The following DCC variants were observed in gnomAD, a reference collection of about 807,000 sequenced individuals.
DCC encodes netrin receptor DCC.
Under a neutral mutation model 172.5 loss-of-function variants are expected in DCC, and 58 were observed. The observed-to-expected ratio is 0.34, with a 90% CI of 0.27 to 0.42. The LOEUF (loss-of-function observed/expected upper bound fraction) is 0.42. Ranked by LOEUF, DCC falls within the 10% of genes least tolerant of loss-of-function variation. DCC has a pLI of 1.00. For missense variants in DCC, 1,740 were observed against 1,791.0 expected, an observed-to-expected ratio of 0.97 and a Z score of 0.51; for synonymous variants, 709 against 644.5, an observed-to-expected ratio of 1.10 and a Z score of -1.52.
chr18:53,508,581 T>C (rs924536103), intron 27 of DCC, among the ~76,000 whole-genome samples: 7 of 152,172 alleles, frequency 4.6e-5, no homozygotes, highest in Admixed American at 3.3e-4. Flanking sequence ...TAAAAGAATA[T>C]AGTTATTTGT....
intron 7 of DCC, among the ~76,000 whole-genome samples, chr18:53,078,152 GT>G (rs2042747763): frequency 6.6e-6 from 1 of 152,146 alleles, no homozygotes; most frequent in African/African-American, 2.4e-5. Flanking sequence ...AAATTAGAGT[GT>G]TGTGATATGC....
At chr18:52,716,155 G>A (rs758986633) in intron 1 of DCC, among the ~76,000 whole-genome samples, 7 of 152,216 alleles carry the variant, frequency 4.6e-5, no homozygotes, top group Non-Finnish European at 1.0e-4. Context: ...GCCCTGGCCT[G>A]CCTGCCCCAT....
At chr18:52,507,291 T>C (rs552018139) in intron 1 of DCC, among the ~76,000 whole-genome samples, 10 of 152,312 alleles carry the variant, frequency 6.6e-5, no homozygotes, top group African/African-American at 2.4e-4. Context: ...AAGATGTTAT[T>C]TTTTCTAATC....
chr18:53,056,244 T>C (rs1330308505), intron 5 of DCC, among the ~76,000 whole-genome samples: 1 of 152,076 alleles, frequency 6.6e-6, no homozygotes, highest in Non-Finnish European at 1.5e-5. Context: ...AGACAGGAAG[T>C]GCCACAGTTT....
intron 5 of DCC, among the ~76,000 whole-genome samples, chr18:52,944,601 G>C (rs1304902445): frequency 6.6e-6 from 1 of 152,184 alleles, no homozygotes; most frequent in African/African-American, 2.4e-5. Context: ...TATAGCACTG[G>C]AGCTTTAAGA....
intron 5 of DCC, among the ~76,000 whole-genome samples, chr18:53,000,081 C>T (rs1003729382): frequency 6.6e-6 from 1 of 151,996 alleles, no homozygotes; most frequent in African/African-American, 2.4e-5. Flanking sequence ...GGTCTCAGAG[C>T]AAGTATAGCC....
chr18:53,453,426 C>T (rs2045442236), intron 23 of DCC, among the ~76,000 whole-genome samples: 1 of 152,082 alleles, frequency 6.6e-6, no homozygotes, highest in African/African-American at 2.4e-5. Flanking sequence ...CGAGCTTCTT[C>T]AATATCTCTT....
At chr18:52,834,964 T>G (rs919338808) in intron 2 of DCC, among the ~76,000 whole-genome samples, 2 of 152,346 alleles carry the variant, frequency 1.3e-5, no homozygotes, top group Non-Finnish European at 2.9e-5. Context: ...TTCATGTTAC[T>G]GCTCGATATT....
At position 52,410,758 on chromosome 18, in the gene DCC, C is replaced by T. The variant is rs979147533; in HGVS notation, c.91+69880C>T. Among the ~76,000 whole-genome samples the T allele has an allele frequency of 3.9e-5, 6 of 152,052 alleles. No individual in the cohort carries two copies. In the South Asian group the frequency reaches 1.0e-3, roughly 26 times the overall value. On this transcript the variant is annotated intron_variant, in intron 1 of 28. Coordinates refer to ENST00000442544, the MANE Select transcript of DCC (RefSeq NM_005215.4). ...TTAATTGGTTTGGGCAATCATAATACCCATGCATGAAACAAAACATTATTC... is the reference window on the plus strand; with the variant it reads ...TTAATTGGTTTGGGCAATCATAATATCCATGCATGAAACAAAACATTATTC...
chr18:53,311,290 T>G (rs958149313), intron 13 of DCC, among the ~76,000 whole-genome samples: 5 of 151,882 alleles, frequency 3.3e-5, no homozygotes, highest in Non-Finnish European at 7.4e-5. Flanking sequence ...CCTGGCTAAT[T>G]TTTTGTATTT....
intron 1 of DCC, among the ~76,000 whole-genome samples, chr18:52,736,872 C>G (rs1438488345): frequency 6.6e-6 from 1 of 152,084 alleles, no homozygotes; most frequent in African/African-American, 2.4e-5. Context: ...GATGAAAAGT[C>G]TCCAGCTGAT....
intron 12 of DCC, among the ~76,000 whole-genome samples, chr18:53,242,414 C>G (rs1273221024): frequency 6.6e-6 from 1 of 152,076 alleles, no homozygotes; most frequent in African/African-American, 2.4e-5. Context: ...TTATCTGAAA[C>G]ATAGTATTTG....
chr18:53,178,900 A>G, intron 8 of DCC, 62 bp from the exon 9 acceptor site: 2 of 1,590,780 alleles, frequency 1.3e-6, no homozygotes, highest in Non-Finnish European at 1.7e-6. Context: ...CACATCAAAT[A>G]CAGATTTTGG....
At chr18:53,455,447 A>G (rs1401791320) in intron 23 of DCC, among the ~76,000 whole-genome samples, 1 of 152,220 alleles carries the variant, frequency 6.6e-6, no homozygotes, top group Non-Finnish European at 1.5e-5. Context: ...CCAGCATACT[A>G]ATTAAAAGTG....
At chr18:52,588,151 G>A (rs1172029446) in intron 1 of DCC, among the ~76,000 whole-genome samples, 1 of 152,168 alleles carries the variant, frequency 6.6e-6, no homozygotes, top group Non-Finnish European at 1.5e-5. Flanking sequence ...CTTAAACAGA[G>A]AGTAGTTATC....
intron 27 of DCC, among the ~76,000 whole-genome samples, chr18:53,512,346 C>A (rs1418944968): frequency 6.7e-6 from 1 of 150,156 alleles, no homozygotes; most frequent in Non-Finnish European, 1.5e-5. Context: ...GTAGATAAAA[C>A]CACAAAGATG....
chr18:53,020,178 T>C (rs2041860168), intron 5 of DCC, among the ~76,000 whole-genome samples: 1 of 152,156 alleles, frequency 6.6e-6, no homozygotes, highest in African/African-American at 2.4e-5. Flanking sequence ...CAGATATTTA[T>C]ATTCTAATGT....
At chr18:53,329,665 T>A (rs2057508716) in intron 14 of DCC, among the ~76,000 whole-genome samples, 1 of 152,192 alleles carries the variant, frequency 6.6e-6, no homozygotes, top group Non-Finnish European at 1.5e-5. Context: ...TTACATTAGT[T>A]ATTTCCAAAT....
chr18:52,894,184 G>A (rs934224242), intron 2 of DCC, among the ~76,000 whole-genome samples: 6 of 152,050 alleles, frequency 3.9e-5, no homozygotes, highest in African/African-American at 1.2e-4. Flanking sequence ...CATCACTGAG[G>A]ATTACGCTAT....
Sources: allele counts gnomAD v4.1 joint callset (sites outside exome capture counted in the v4.1 genomes callset), GRCh38; gene constraint gnomAD v4.1.1; transcripts MANE v1.5; gene names NCBI Gene and HGNC (gene_info 2026-07-23, HGNC 2026-07-21).